SOX5: variants seen among roughly 807,000 people sequenced by gnomAD.
SOX5 encodes SRY-box transcription factor 5, also known as transcription factor SOX-5.
SOX5 carries 9 observed loss-of-function variants against 92.0 expected under a neutral mutation model. That is an observed-to-expected ratio of 0.10 (90% CI 0.06 to 0.17). The LOEUF is 0.17. SOX5 is among the 10% of genes least tolerant of loss of function. The pLI, the probability that SOX5 is intolerant of heterozygous loss-of-function variation, is 1.00. For missense variants in SOX5, 642 were observed against 944.5 expected (o/e 0.68, Z 4.20); for synonymous variants, 344 against 336.3 (o/e 1.02, Z -0.25).
intron 2 of SOX5, among the ~76,000 whole-genome samples, chr12:23,884,810 C>T (rs532223434): frequency 2.6e-5 from 4 of 152,230 alleles, no homozygotes; most frequent in South Asian, 2.1e-4. Context: ...GGTTAATATA[C>T]GATTGGCTAA....
intron 2 of SOX5, among the ~76,000 whole-genome samples, chr12:23,861,396 T>C (rs2096756291): frequency 6.6e-6 from 1 of 152,206 alleles, no homozygotes; most frequent in African/African-American, 2.4e-5. Context: ...GGAAACTTGA[T>C]GAAGTTACAT....
intron 4 of SOX5, among the ~76,000 whole-genome samples, chr12:23,753,319 G>C (rs1286659630): frequency 2.0e-4 from 30 of 151,422 alleles, no homozygotes; most frequent in Admixed American, 1.9e-3. Context: ...GCTATAGTAT[G>C]AAATATTCAG....
chr12:23,599,983 T>TG (rs1953168494), intron 9 of SOX5, among the ~76,000 whole-genome samples: 1 of 152,102 alleles, frequency 6.6e-6, no homozygotes, highest in African/African-American at 2.4e-5. Flanking sequence ...GGTGCAAAAA[T>TG]GAAAGTTGCT....
At chr12:23,833,284 G>T (rs2096360020) in intron 3 of SOX5, among the ~76,000 whole-genome samples, 1 of 151,904 alleles carries the variant, frequency 6.6e-6, no homozygotes, top group East Asian at 1.9e-4. Flanking sequence ...GAAAGGAGAG[G>T]TTGTGGAGGG....
At chr12:23,986,849 A>AT (rs34120483) in intron 4 of SOX5, among the ~76,000 whole-genome samples, 15 of 151,978 alleles carry the variant, frequency 9.9e-5, no homozygotes, top group Admixed American at 3.9e-4. Context: ...AAATTAGCCA[A>AT]TTTTTTTTAA....
intron 2 of SOX5, among the ~76,000 whole-genome samples, chr12:23,887,882 G>T (rs1181593224): frequency 6.7e-6 from 1 of 149,760 alleles, no homozygotes; most frequent in Non-Finnish European, 1.5e-5. Flanking sequence ...ACAAAGTAAA[G>T]ACCTTGAATT....
At chr12:24,361,638 T>C (rs577291803) in intron 2 of SOX5, among the ~76,000 whole-genome samples, 10 of 151,754 alleles carry the variant, frequency 6.6e-5, no homozygotes, top group Admixed American at 5.9e-4. Context: ...TGTGTGCGCA[T>C]GTGTGTGTGC....
At chr12:23,805,965 C>T (rs369113537) in intron 3 of SOX5, among the ~76,000 whole-genome samples, 7 of 152,116 alleles carry the variant, frequency 4.6e-5, no homozygotes, top group African/African-American at 1.7e-4. Context: ...AGACAGAATA[C>T]ATACTTAGGT....
intron 3 of SOX5, among the ~76,000 whole-genome samples, chr12:23,778,179 G>A (rs955058685): frequency 2.6e-5 from 4 of 152,242 alleles, no homozygotes; most frequent in Non-Finnish European, 5.9e-5. Flanking sequence ...TGTATTTCTT[G>A]CAAATAAAAA....
At chr12:24,336,278 A>G (rs1444000659) in intron 2 of SOX5, among the ~76,000 whole-genome samples, 2 of 151,910 alleles carry the variant, frequency 1.3e-5, no homozygotes, top group Non-Finnish European at 2.9e-5. Flanking sequence ...TATTTTTAGT[A>G]GAGACGGTGT....
intron 10 of SOX5, among the ~76,000 whole-genome samples, chr12:23,566,769 G>C (rs1377858077): frequency 6.6e-6 from 1 of 152,166 alleles, no homozygotes; most frequent in African/African-American, 2.4e-5. Flanking sequence ...CATAATAAAT[G>C]GTCAATGAAA....
chr12:24,418,805 G>A lies in SOX5; in HGVS notation c.-250-50166C>T, dbSNP rs561952666. ...TACATTTGTGATCTAATAATATATC[G>A]TATTTTTCTGCTCTCTGATTTGTCT... On this transcript the variant is annotated intron_variant, in intron 1 of 4. Coordinates refer to the SOX5 transcript ENST00000446891. Among the ~76,000 whole-genome samples the A allele has an allele frequency of 1.3e-3, 199 of 152,120 alleles. 1 individual carries two copies. The highest frequency in any genetic ancestry group is 4.3e-3 in the African/African-American group (177 of 41,478).
At chr12:24,078,377 G>A (rs1451319964) in intron 4 of SOX5, among the ~76,000 whole-genome samples, 8 of 152,154 alleles carry the variant, frequency 5.3e-5, no homozygotes, top group East Asian at 1.9e-4. Flanking sequence ...TTTTGAATAT[G>A]AGCCACAGTT....
At chr12:24,257,325 T>C (rs1215152379) in intron 3 of SOX5, among the ~76,000 whole-genome samples, 1 of 152,256 alleles carries the variant, frequency 6.6e-6, no homozygotes, top group African/African-American at 2.4e-5. Flanking sequence ...ACATTCATTA[T>C]ATACATTTGC....
chr12:23,845,911 A>C lies in SOX5; in HGVS notation c.481+72T>G, dbSNP rs2096569947. ...CTTTAAGAGTATAAATCAAAAAACA[A>C]ATCAAGAAATTAAAATCAAAGTATT... is the stretch of plus-strand genomic sequence containing the variant. On this transcript the variant is annotated intron_variant, in intron 3 of 14. Coordinates refer to ENST00000451604, the MANE Select transcript of SOX5 (RefSeq NM_006940.6). The C allele has an allele frequency of 4.0e-6, 5 of 1,258,210 alleles. No homozygotes were observed. The Admixed American group carries it at 8.6e-5, about 22-fold the overall frequency. 77.9% of individuals were successfully genotyped at this position (1,258,210 alleles called of 1,614,324 possible).
chr12:24,485,334 T>A (rs1226704104), intron 1 of SOX5, among the ~76,000 whole-genome samples: 1 of 152,218 alleles, frequency 6.6e-6, no homozygotes, highest in Non-Finnish European at 1.5e-5. Context: ...TTGGAAGCTA[T>A]TAAAAATAAC....
chr12:23,653,787 A>G (rs1167353130), intron 7 of SOX5, among the ~76,000 whole-genome samples: 1 of 152,102 alleles, frequency 6.6e-6, no homozygotes, highest in Admixed American at 6.6e-5. Flanking sequence ...TGAGGATTTC[A>G]GCATATGAAT....
chr12:24,475,550 T>C (rs1229003124), intron 1 of SOX5, among the ~76,000 whole-genome samples: 1 of 152,218 alleles, frequency 6.6e-6, no homozygotes, highest in Non-Finnish European at 1.5e-5. Context: ...CTCTCCTGTG[T>C]TCTTGGCTCT....
chr12:24,559,314 G>C (rs1222238547), intron 1 of SOX5, among the ~76,000 whole-genome samples: 1 of 152,058 alleles, frequency 6.6e-6, no homozygotes, highest in East Asian at 1.9e-4. Flanking sequence ...TTGGATATTG[G>C]GTGAATCATC....
Sources: gnomAD v4.1 joint callset for allele counts (sites outside exome capture counted in the v4.1 genomes callset) on GRCh38, gnomAD v4.1.1 for gene constraint, MANE v1.5 for transcripts, NCBI Gene and HGNC (gene_info 2026-07-23, HGNC 2026-07-21) for gene names.